RIMBP2: variants seen among roughly 807,000 people sequenced by gnomAD.
RIMBP2 encodes the protein RIMS binding protein 2, also known as RIMS-binding protein 2.
A neutral mutation model predicts 118.6 loss-of-function variants in RIMBP2; 48 were observed. The observed-to-expected ratio is 0.40, with a 90% CI of 0.32 to 0.51. The LOEUF is 0.51. Among genes scored for constraint, RIMBP2 ranks in the 20% least tolerant of loss-of-function variants. The probability of loss-of-function intolerance (pLI) is 0.41; values close to 1 mark genes in which losing one functional copy is unlikely to be tolerated. For missense variants in RIMBP2, 1,551 were observed against 1,768.3 expected, an observed-to-expected ratio of 0.88 and a Z score of 2.20; for synonymous variants, 762 against 742.9, an observed-to-expected ratio of 1.03 and a Z score of -0.42.
chr12:130,425,173 G>C, intron 15 of RIMBP2: 1 of 260,066 alleles, frequency 3.8e-6, no homozygotes. Flanking sequence ...GCCCCACAGT[G>C]CCCACGGTAC....
intron 4 of RIMBP2, among the ~76,000 whole-genome samples, chr12:130,490,225 C>G (rs1323518188): frequency 6.6e-6 from 1 of 151,578 alleles, no homozygotes; most frequent in Non-Finnish European, 1.5e-5. Flanking sequence ...GGACTCAAAC[C>G]TGCTTCACAG....
chr12:130,564,538 G>C (rs2057074344), intron 2 of RIMBP2, among the ~76,000 whole-genome samples: 1 of 152,172 alleles, frequency 6.6e-6, no homozygotes, highest in South Asian at 2.1e-4. Context: ...AAAGGAAATA[G>C]GGTATATACA....
intron 6 of RIMBP2, among the ~76,000 whole-genome samples, chr12:130,458,819 C>T (rs2079690241): frequency 6.6e-6 from 1 of 152,022 alleles, no homozygotes; most frequent in Non-Finnish European, 1.5e-5. Flanking sequence ...CCGAGGTGGG[C>T]GGATCACCTG....
intron 4 of RIMBP2, among the ~76,000 whole-genome samples, chr12:130,496,068 G>A (rs1244337777): frequency 1.3e-5 from 2 of 152,180 alleles, no homozygotes; most frequent in Non-Finnish European, 2.9e-5. Flanking sequence ...CAGAGAGTAC[G>A]TCCGTGCCTG....
At chr12:130,448,190 G>A (rs2078696909) in intron 9 of RIMBP2, among the ~76,000 whole-genome samples, 2 of 152,124 alleles carry the variant, frequency 1.3e-5, no homozygotes, top group African/African-American at 2.4e-5. Context: ...GAGATAAGGA[G>A]AATGTGCGTG....
intron 2 of RIMBP2, among the ~76,000 whole-genome samples, chr12:130,610,551 C>CTTTTTTTTTTTTT (rs386378269): frequency 1.2e-5 from 1 of 81,548 alleles, no homozygotes; most frequent in African/African-American, 4.6e-5. Context: ...AATTTTCCTG[C>CTTTTTTTTTTTTT]TTTTTTTTTT....
chr12:130,684,281 C>T (rs1458658984), intron 1 of RIMBP2, among the ~76,000 whole-genome samples: 1 of 152,128 alleles, frequency 6.6e-6, no homozygotes, highest in African/African-American at 2.4e-5. Flanking sequence ...AATCAACGTA[C>T]ATCTTAAATG....
At chr12:130,494,947 GCCGCCCCATGCC>G (rs1331485513) in intron 4 of RIMBP2, among the ~76,000 whole-genome samples, 1 of 152,228 alleles carries the variant, frequency 6.6e-6, no homozygotes, top group East Asian at 1.9e-4. Flanking sequence ...TGAGGGAGAA[GCCGCCCCATGCC>G]CCGCTCCAGC....
chr12:130,418,866 G>A (rs1185177913), intron 17 of RIMBP2, among the ~76,000 whole-genome samples: 4 of 152,250 alleles, frequency 2.6e-5, no homozygotes, highest in South Asian at 2.1e-4. Flanking sequence ...GCCACACCAC[G>A]GGAGGCATTT....
Position 130,397,378 on chromosome 12 carries a change from G to C in RIMBP2, c.4072C>G (p.Leu1358Val), listed in dbSNP as rs1819160486. 2.5e-6 allele frequency: 1 copy of C among 398,884 alleles called. No individual in the cohort carries two copies. Among genetic ancestry groups the C allele is most frequent in the Non-Finnish European group, 4.4e-6 (1 of 226,084 alleles). 24.7% of individuals were successfully genotyped at this position (398,884 alleles called of 1,614,324 possible). A position where few individuals can be genotyped will look rare whatever the true frequency, so the allele number is the denominator to read the frequency against. ...CACATGAATCATTTCACTGCACCCA[G>C]CTTTTTCAGCAGTTTCTTGCCTTTG... ...LSKGKKLLKKLGAVK is the reference protein window; with the variant it reads ...LSKGKKLLKKVGAVK The change falls in exon 23 of 23, where the codon CTG becomes GTG. Residue 1358 changes from leucine to valine, a missense_variant. Coordinates refer to ENST00000690449, the MANE Select transcript of RIMBP2 (RefSeq NM_001393629.1).
At chr12:130,556,640 C>T (rs932843962) in intron 2 of RIMBP2, among the ~76,000 whole-genome samples, 3 of 152,192 alleles carry the variant, frequency 2.0e-5, no homozygotes, top group Non-Finnish European at 4.4e-5. Flanking sequence ...GGTGCAGCTG[C>T]TGGAAACACC....
Position 130,469,338 on chromosome 12 carries a change from G to A in RIMBP2, c.153+1355C>T, listed in dbSNP as rs10161217. Among the ~76,000 whole-genome samples the A allele has an allele frequency of 7.1e-3, 1,084 of 152,294 alleles. 12 individuals carry two copies. The highest frequency in any genetic ancestry group is 0.025 in the African/African-American group (1,023 of 41,558). On this transcript the variant is annotated intron_variant, in intron 6 of 22. Coordinates refer to ENST00000690449, the MANE Select transcript of RIMBP2 (RefSeq NM_001393629.1). This position sits in a 1 kb window ranked among gnomAD's most constrained non-coding sequence, Gnocchi z 4.8. Reference sequence around the variant, plus strand: ...GCAGCACGGGGTGACAGGTGACAGCGGGATCATGGTGGAGCAGTCCCTCAG... The same window carrying A: ...GCAGCACGGGGTGACAGGTGACAGCAGGATCATGGTGGAGCAGTCCCTCAG...
rs73457122 is a variant in RIMBP2, at chr12:130,410,147, G to A, written c.3590-2318C>T. Among the ~76,000 whole-genome samples, 264 of 152,338 alleles carry A rather than the reference G, an allele frequency of 1.7e-3. 2 individuals are homozygous for A. Among genetic ancestry groups the A allele is most frequent in the African/African-American group, 5.9e-3 (244 of 41,574 alleles). ...TTTGTGTTTCACTGATGATGTTAAA[G>A]ATCTTTTCATGTGCTTATTTGCCAC... is the stretch of plus-strand genomic sequence containing the variant. On this transcript the variant is annotated intron_variant, in intron 19 of 22. Coordinates refer to ENST00000690449, the MANE Select transcript of RIMBP2 (RefSeq NM_001393629.1).
At chr12:130,658,807 G>A (rs962747675) in intron 1 of RIMBP2, 1 of 152,274 alleles carries the variant, frequency 6.6e-6, no homozygotes, top group African/African-American at 2.4e-5. Context: ...CCAGAAGAAT[G>A]TGAGTGATGG....
At chr12:130,425,036 A>C in intron 15 of RIMBP2, 178 bp from the exon 16 acceptor site, 112 of 382,590 alleles carry the variant, frequency 2.9e-4, no homozygotes, top group Middle Eastern at 6.6e-4. Flanking sequence ...TGAAAACAGA[A>C]TGGGTTACGG....
intron 9 of RIMBP2, among the ~76,000 whole-genome samples, chr12:130,449,552 C>G (rs924615100): frequency 3.3e-5 from 5 of 151,920 alleles, no homozygotes; most frequent in Admixed American, 3.3e-4. Context: ...CTTTCACTCT[C>G]GGTGGTGGGG....
chr12:130,407,136 A>C (rs557439738), intron 20 of RIMBP2, among the ~76,000 whole-genome samples: 1 of 152,316 alleles, frequency 6.6e-6, no homozygotes, highest in East Asian at 1.9e-4. Flanking sequence ...TGTCAAAATG[A>C]GGGAATATAG....
chr12:130,409,112 A>T (rs566366163), intron 19 of RIMBP2, among the ~76,000 whole-genome samples: 1 of 152,262 alleles, frequency 6.6e-6, no homozygotes, highest in Non-Finnish European at 1.5e-5. Context: ...TGTACTTCTC[A>T]CTGAAGTCAA....
At chr12:130,492,743 C>T (rs1010634735) in intron 4 of RIMBP2, among the ~76,000 whole-genome samples, 1 of 152,238 alleles carries the variant, frequency 6.6e-6, no homozygotes, top group Non-Finnish European at 1.5e-5. Flanking sequence ...AGGTACCTCT[C>T]TGAACCTCAG....
Sources: allele counts gnomAD v4.1 joint callset (sites outside exome capture counted in the v4.1 genomes callset), GRCh38; gene constraint gnomAD v4.1.1; non-coding constraint Gnocchi (gnomAD v3.1); transcripts MANE v1.5; gene names NCBI Gene and HGNC (gene_info 2026-07-23, HGNC 2026-07-21).